The following RYR1 variants were observed in gnomAD, a reference collection of about 807,000 sequenced individuals.
The protein encoded by RYR1 is central core disease of muscle.
In RYR1, 342 loss-of-function variants were observed where a neutral mutation model predicts 583.5. The observed-to-expected ratio is 0.59, with a 90% confidence interval of 0.54 to 0.64. The LOEUF (loss-of-function observed/expected upper bound fraction) is 0.64, where lower values mean the gene tolerates loss of function less well. Ranked by LOEUF, RYR1 falls within the 30% of genes least tolerant of loss-of-function variation. The pLI, the probability that RYR1 is intolerant of heterozygous loss-of-function variation, is 0.00. For missense variants in RYR1, 6,032 were observed against 6,917.2 expected, an observed-to-expected ratio of 0.87 and a Z score of 4.54; for synonymous variants, 2,791 against 2,822.5, an observed-to-expected ratio of 0.99 and a Z score of 0.35.
chr19:38,502,576 A>G lies in RYR1; in HGVS notation c.7684A>G (p.Ile2562Val), dbSNP rs1359576805. Residue 2562 changes from isoleucine to valine, a missense_variant, in exon 48 of 106, where the codon ATC becomes GTC. Transcript: ENST00000359596. ...CCTGTGCCTGGCCGTGCTGCCGCTC[A>G]TCACCAAGTGTGCGCCGCTCTTTGC... ...RYLCLAVLPL[I>V]TKCAPLFAGT... 2.5e-6 allele frequency: 4 copies of G among 1,612,066 alleles called. No homozygotes were observed. Among genetic ancestry groups the G allele is most frequent in the African/African-American group, 2.7e-5 (2 of 74,726 alleles).
chr19:38,439,925 A>T (rs531251510), intron 1 of RYR1, among the ~76,000 whole-genome samples: 3 of 152,340 alleles, frequency 2.0e-5, no homozygotes, highest in African/African-American at 7.2e-5. Context: ...TTAAAACAAC[A>T]CGCAAAAGAG....
At position 38,536,822 on chromosome 19, in the gene RYR1, C is replaced by G. The variant is rs200904209; in HGVS notation, c.11608+55C>G. 208 of 1,569,642 alleles carry G rather than the reference C, an allele frequency of 1.3e-4. No homozygotes were observed. In the East Asian group the frequency reaches 2.5e-3, roughly 19 times the overall value. Reference sequence around the variant, plus strand: ...GCTGCTGTCACCCACCCCTCCTAACCCCGTCCACCCCTCCACCTAGGGGCT... The same window carrying G: ...GCTGCTGTCACCCACCCCTCCTAACGCCGTCCACCCCTCCACCTAGGGGCT... On this transcript the variant is annotated intron_variant, in intron 83 of 105. Transcript: ENST00000359596.
Position 38,516,200 on chromosome 19 carries a change from C to T in RYR1, c.9668C>T (p.Ser3223Phe), listed in dbSNP as rs1275704430. 6.3e-7 allele frequency: 1 copy of T among 1,581,800 alleles called. No homozygotes were observed. Among genetic ancestry groups the T allele is most frequent in the Non-Finnish European group, 8.6e-7 (1 of 1,163,738 alleles). The change falls in exon 65 of 106, where the codon TCT (serine) becomes TTT (phenylalanine). Residue 3223 changes from serine (S) to phenylalanine (F), a missense_variant. Ser to Phe is a radical substitution (Grantham distance 155). Coordinates refer to ENST00000359596, the MANE Select transcript of RYR1 (RefSeq NM_000540.3). ...GCCTGCTCCGTGTACACCACCAAGT[C>T]TCCGCGGGAGCGGGCCAGTAAGCTG... ...YNACSVYTTK[S>F]PRERAILGLP... is the part of the protein sequence containing the mutation.
chr19:38,504,730 T>C lies in RYR1; in HGVS notation c.8068-18T>C. 1 of 1,613,782 alleles carries C rather than the reference T, an allele frequency of 6.2e-7. No individual in the cohort carries two copies. Among genetic ancestry groups the C allele is most frequent in the Non-Finnish European group, 8.5e-7 (1 of 1,179,988 alleles). On this transcript the variant is annotated intron_variant, in intron 50 of 105. Transcript: ENST00000359596. The stretch of plus-strand genomic sequence containing the variant: ...GCTTATAGCGACCTCCTACCCCTGC[T>C]TCACCCGGTTTTCCCAGAAATACGA...
chr19:38,585,912 C>T, intron 102 of RYR1, 26 bp from the exon 103 acceptor site: 1 of 1,614,016 alleles, frequency 6.2e-7, no homozygotes, highest in Non-Finnish European at 8.5e-7. Context: ...AGAGGTCGGG[C>T]ACTGACTTGT....
At chr19:38,514,361 A>G (rs1020709482) in intron 63 of RYR1, among the ~76,000 whole-genome samples, 1 of 151,278 alleles carries the variant, frequency 6.6e-6, no homozygotes, top group Non-Finnish European at 1.5e-5. Context: ...GCTCACTGCA[A>G]CCTCTGCCTC....
rs1972795311 is a variant in RYR1, at chr19:38,443,573, G to T, written c.286G>T (p.Gly96Ter). 1.2e-6 allele frequency: 2 copies of T among 1,614,050 alleles called. No individual in the cohort carries two copies. Among genetic ancestry groups the T allele is most frequent in the South Asian group, 2.2e-5 (2 of 91,076 alleles). Reference protein sequence around the residue: ...EAGVESSQGGGHRTLLYGHAI... With the variant: ...EAGVESSQGG ...CCCCCTGCAGTCATCCCAGGGCGGG[G>T]GACACAGGACGCTCCTGTATGGCCA... The change falls in exon 4 of 106, where the codon GGA becomes TGA. Residue 96 changes from glycine to a stop codon, truncating the protein, a stop_gained. Transcript: ENST00000359596. LOFTEE classifies it high-confidence loss of function.
chr19:38,569,640 T>G (rs188032897), intron 93 of RYR1, among the ~76,000 whole-genome samples: 33 of 152,156 alleles, frequency 2.2e-4, no homozygotes, highest in African/African-American at 7.2e-4. Flanking sequence ...CATGGCCAAG[T>G]GGCTTGGAGC....
chr19:38,524,008 G>A (rs1356927705), intron 70 of RYR1, 79 bp downstream of exon 70: 20 of 1,521,372 alleles, frequency 1.3e-5, no homozygotes, highest in South Asian at 3.5e-5. Context: ...CCCCCGCCTC[G>A]AGAAAACCCC....
At chr19:38,539,824 TA>T (rs1040074134) in intron 84 of RYR1, among the ~76,000 whole-genome samples, 40 of 152,340 alleles carry the variant, frequency 2.6e-4, no homozygotes, top group African/African-American at 9.6e-4. Context: ...CACATGTCTA[TA>T]ACAGGTGTTG....
chr19:38,444,558 G>T lies in RYR1; in HGVS notation c.538-26G>T. 6.2e-7 allele frequency: 1 copy of T among 1,606,990 alleles called. No homozygotes were observed. The highest frequency in any genetic ancestry group is 1.1e-5 in the South Asian group (1 of 90,344). On this transcript the variant is annotated intron_variant, in intron 6 of 105. Coordinates refer to ENST00000359596, the MANE Select transcript of RYR1 (RefSeq NM_000540.3). This position sits in a 1 kb window ranked among gnomAD's most constrained non-coding sequence, Gnocchi z 5.1. ...CTCGCCCACCCCTGCAATCGTCTCT[G>T]ACTGCCGCATCCTGGTGGCCCCCAG...
In RYR1 at chr19:38,473,702, G is replaced by C; in HGVS notation, c.4091G>C (p.Gly1364Ala). The C allele has an allele frequency of 6.5e-7, 1 of 1,549,522 alleles. No individual in the cohort carries two copies. The highest frequency in any genetic ancestry group is 2.4e-5 in the East Asian group (1 of 40,946). ...GCCCCCGGGGGCACCCCGCAGGCGGGGGGAGAGGCGCAGCCCGCCAGGGCG... is the reference window on the plus strand; with the variant it reads ...GCCCCCGGGGGCACCCCGCAGGCGGCGGGAGAGGCGCAGCCCGCCAGGGCG... ...EGAPGGTPQA[G>A]GEAQPARAEN... Residue 1364 changes from glycine (G) to alanine (A), a missense_variant, in exon 28 of 106, where the codon GGG (glycine) becomes GCG (alanine). Physicochemically the swap from Gly to Ala is moderately conservative, Grantham distance 60. Transcript: ENST00000359596.
chr19:38,585,369 G>GATATATATATATATATATAT (rs3039200), intron 102 of RYR1, among the ~76,000 whole-genome samples: 27 of 141,062 alleles, frequency 1.9e-4, no homozygotes, highest in African/African-American at 6.5e-4. Flanking sequence ...AAAGGCCTGA[G>GATATATATATATATATATAT]ATATATATAT....
chr19:38,562,518 G>A (rs1171388398), intron 90 of RYR1, among the ~76,000 whole-genome samples: 2 of 152,002 alleles, frequency 1.3e-5, no homozygotes, highest in Non-Finnish European at 2.9e-5. Context: ...GGAGGTTTGC[G>A]CACCCGTCAC....
At chr19:38,534,161 G>A (rs887114474) in intron 78 of RYR1, among the ~76,000 whole-genome samples, 3 of 151,886 alleles carry the variant, frequency 2.0e-5, no homozygotes, top group African/African-American at 7.3e-5. Context: ...ACAGGCTCAT[G>A]CCACCACGCC....
intron 36 of RYR1, 112 bp from the exon 37 acceptor site, chr19:38,490,509 A>G (rs1969505263): frequency 7.3e-6 from 6 of 823,700 alleles, no homozygotes; most frequent in South Asian, 7.1e-5. Flanking sequence ...ATTAACTCAC[A>G]CTTCGACTCA....
Position 38,494,377 on chromosome 19 carries a change from C to T in RYR1, c.6300C>T (p.His2100=), listed in dbSNP as rs758140159. ...KPRSLQELVS[H]MVVRWAQEDF... Reference sequence around the variant, plus strand: ...GGTCCCTGCAGGAGCTGGTGTCCCACATGGTGGTGCGCTGGGCCCAAGAGG... The same window carrying T: ...GGTCCCTGCAGGAGCTGGTGTCCCATATGGTGGTGCGCTGGGCCCAAGAGG... The change falls in exon 39 of 106, where the codon CAC becomes CAT. Residue 2100 remains histidine, a synonymous_variant. Transcript: ENST00000359596. 7 of 1,611,588 alleles carry T rather than the reference C, an allele frequency of 4.3e-6. No homozygotes were observed. The African/African-American group carries it at 8.0e-5, about 18-fold the overall frequency.
At chr19:38,572,313 G>T (rs570156523) in intron 95 of RYR1, 43 bp downstream of exon 95, 17 of 1,561,672 alleles carry the variant, frequency 1.1e-5, no homozygotes, top group African/African-American at 4.1e-5. Flanking sequence ...CTTATTGGCT[G>T]GGTGGGGGTG....
intron 11 of RYR1, among the ~76,000 whole-genome samples, chr19:38,450,370 C>G (rs1967011138): frequency 6.6e-6 from 1 of 152,000 alleles, no homozygotes; most frequent in African/African-American, 2.4e-5. Context: ...TTGCCCCAAG[C>G]AACTGGAAGG....
Sources: gnomAD v4.1 joint callset for allele counts (sites outside exome capture counted in the v4.1 genomes callset) on GRCh38, gnomAD v4.1.1 for gene constraint, Gnocchi (gnomAD v3.1) non-coding constraint, MANE v1.5 for transcripts, NCBI Gene and HGNC (gene_info 2026-07-23, HGNC 2026-07-21) for gene names.